DPP9: variants seen among roughly 807,000 people sequenced by gnomAD.
The protein encoded by DPP9 is dipeptidyl peptidase IV-related protein-2.
In DPP9, 50 loss-of-function variants were observed where a neutral mutation model predicts 110.7. That is an observed-to-expected ratio of 0.45 (90% CI 0.36 to 0.57). The LOEUF (loss-of-function observed/expected upper bound fraction) is 0.57. DPP9 is among the 20% of genes least tolerant of loss of function. DPP9 has a pLI of 0.00. For missense variants in DPP9, 1,022 were observed against 1,217.9 expected, an observed-to-expected ratio of 0.84 and a Z score of 2.39; for synonymous variants, 561 against 514.4, an observed-to-expected ratio of 1.09 and a Z score of -1.23.
At chr19:4,714,059 C>T in intron 4 of DPP9, 22 bp downstream of exon 4, 1 of 1,594,530 alleles carries the variant, frequency 6.3e-7, no homozygotes, top group African/African-American at 1.3e-5. Context: ...CCCGCCCAAG[C>T]AGCCTGCAGG....
At chr19:4,713,467 G>A (rs1177443760) in intron 4 of DPP9, among the ~76,000 whole-genome samples, 2 of 152,254 alleles carry the variant, frequency 1.3e-5, no homozygotes, top group East Asian at 3.8e-4. Flanking sequence ...GCTGCAGGAG[G>A]AGCTGCGTGC....
In DPP9 at chr19:4,705,787, T is replaced by G. The variant is rs887428548; in HGVS notation, c.426+71A>C. ...GGGCAGAGAGGTGACCGAAGGCATG[T>G]ATGGCCTGTGGGGCTGGCCTTTGCC... On this transcript the variant is annotated intron_variant, in intron 5 of 21. Coordinates refer to ENST00000262960, the MANE Select transcript of DPP9 (RefSeq NM_139159.5). The G allele has an allele frequency of 2.1e-6, 3 of 1,457,660 alleles. No homozygotes were observed. In the African/African-American group the frequency reaches 4.2e-5, roughly 20 times the overall value. 90.3% of individuals were successfully genotyped at this position (1,457,660 alleles called of 1,614,324 possible).
Position 4,702,693 on chromosome 19 carries a change from G to T in DPP9, c.793C>A (p.Pro265Thr), listed in dbSNP as rs1322007791. 6.3e-6 allele frequency: 10 copies of T among 1,596,932 alleles called. No individual in the cohort carries two copies. The highest frequency in any genetic ancestry group is 8.5e-6 in the Non-Finnish European group (10 of 1,172,282). Residue 265 changes from proline (P) to threonine (T), a missense_variant, in exon 8 of 22, where the codon CCC (proline) becomes ACC (threonine). Physicochemically the swap from Pro to Thr is conservative, Grantham distance 38 (BLOSUM62 -1). Around this residue, in one of 3 missense-constraint regions of DPP9, gnomAD observed 810 missense variants for 920.6 expected, o/e 0.88. Transcript: ENST00000262960. ...HQGLSNVLDD[P>T]KSAGVATFVI... ...AAGGTGGCCACACCCGCAGACTTGG[G>T]GTCATCCAGGACATTGGATAAACCT...
intron 3 of DPP9, among the ~76,000 whole-genome samples, chr19:4,717,083 C>T (rs188912876): frequency 6.6e-6 from 1 of 152,246 alleles, no homozygotes; most frequent in African/African-American, 2.4e-5. Context: ...CCAACTCGAC[C>T]CCAAAGAAAT....
intron 20 of DPP9, 48 bp from the exon 21 acceptor site, chr19:4,679,994 G>A (rs2089585118): frequency 2.1e-6 from 3 of 1,397,006 alleles, no homozygotes; most frequent in African/African-American, 2.8e-5. Context: ...TGTCCGTGGG[G>A]TAGGAGGGGA....
Position 4,702,600 on chromosome 19 carries a change from T to C in DPP9, c.883+3A>G, listed in dbSNP as rs2092331677. The C allele has an allele frequency of 1.9e-6, 3 of 1,587,936 alleles. No individual in the cohort carries two copies. Among genetic ancestry groups the C allele is most frequent in the African/African-American group, 2.7e-5 (2 of 73,906 alleles). On this transcript the variant is annotated splice_donor_region_variant and intron_variant, in intron 8 of 21. Coordinates refer to ENST00000262960, the MANE Select transcript of DPP9 (RefSeq NM_139159.5). ...AGCATGTTGAAAAATGGAAGGGACC[T>C]ACCTTCCCAGGAGGCTGTGGGGCAC...
Position 4,695,566 on chromosome 19 carries a change from A to C in DPP9, c.1176-11T>G. ...AACATGGCCCAGGCGCTAAGGGGGA[A>C]GATGCGGGGGAAGATGAGAGGGAAG... On this transcript the variant is annotated splice_polypyrimidine_tract_variant and intron_variant, in intron 11 of 21. Transcript: ENST00000262960. This position sits in a 1 kb window ranked among gnomAD's most constrained non-coding sequence, Gnocchi z 4.7. 2 of 1,461,202 alleles carry C rather than the reference A, an allele frequency of 1.4e-6. No individual in the cohort carries two copies. The highest frequency in any genetic ancestry group is 9.0e-7 in the Non-Finnish European group (1 of 1,108,018). 90.5% of individuals were successfully genotyped at this position (1,461,202 alleles called of 1,614,324 possible).
In DPP9 at chr19:4,710,423, G is replaced by A. The variant is rs562024593; in HGVS notation, c.313+3658C>T. On this transcript the variant is annotated intron_variant, in intron 4 of 21. Transcript: ENST00000262960. The surrounding 1 kb of genome is among the most constrained non-coding windows in gnomAD (Gnocchi z 5.6). The stretch of plus-strand genomic sequence containing the variant: ...ATCCGCGTGGGGCGGGAGCGGGGTC[G>A]GGAGCGTTTCCCAATGCTGCAGTCT... Among the ~76,000 whole-genome samples the A allele has an allele frequency of 1.8e-3, 269 of 152,326 alleles. 2 individuals are homozygous for A. Among genetic ancestry groups the A allele is most frequent in the African/African-American group, 5.9e-3 (244 of 41,570 alleles).
intron 4 of DPP9, among the ~76,000 whole-genome samples, chr19:4,708,911 C>T (rs2092707205): frequency 6.6e-6 from 1 of 152,168 alleles, no homozygotes; most frequent in African/African-American, 2.4e-5. Flanking sequence ...CACATGTGCC[C>T]TTGAACCTAA....
intron 20 of DPP9, among the ~76,000 whole-genome samples, chr19:4,680,488 G>A (rs1034584812): frequency 6.6e-6 from 1 of 151,876 alleles, no homozygotes; most frequent in Middle Eastern, 3.4e-3. Flanking sequence ...GGCCAAGCTG[G>A]GTGGATTGAG....
chr19:4,683,714 G>T, intron 18 of DPP9, 85 bp from the exon 19 acceptor site: 1 of 1,611,798 alleles, frequency 6.2e-7, no homozygotes. Flanking sequence ...CTTTCAGGGC[G>T]TCTCTCCCTC....
chr19:4,694,392 G>A lies in DPP9; in HGVS notation c.1516+269C>T. Reference sequence around the variant, plus strand: ...GGTGGTGGGCCGGATTTGACCTGTGGGCCGTAGGTGGCCAACCCCTGGTTG... The same window carrying A: ...GGTGGTGGGCCGGATTTGACCTGTGAGCCGTAGGTGGCCAACCCCTGGTTG... On this transcript the variant is annotated intron_variant, in intron 13 of 21. Coordinates refer to ENST00000262960, the MANE Select transcript of DPP9 (RefSeq NM_139159.5). The surrounding 1 kb of genome is among the most constrained non-coding windows in gnomAD (Gnocchi z 4.0). 1 of 531,170 alleles carries A rather than the reference G, an allele frequency of 1.9e-6. No homozygotes were observed. The highest frequency in any genetic ancestry group is 3.3e-6 in the Non-Finnish European group (1 of 300,646). 32.9% of individuals were successfully genotyped at this position (531,170 alleles called of 1,614,324 possible).
intron 10 of DPP9, among the ~76,000 whole-genome samples, chr19:4,699,701 A>T (rs1283986202): frequency 6.6e-6 from 1 of 151,682 alleles, no homozygotes; most frequent in Non-Finnish European, 1.5e-5. Flanking sequence ...AGATCTGAGG[A>T]GGTCGGGGGG....
chr19:4,691,528 T>G (rs1721854184), intron 13 of DPP9, among the ~76,000 whole-genome samples: 1 of 151,220 alleles, frequency 6.6e-6, no homozygotes. Context: ...ATCTGGATTT[T>G]CATTGGAATT....
chr19:4,706,924 G>A (rs1016119140), intron 4 of DPP9, among the ~76,000 whole-genome samples: 1 of 152,162 alleles, frequency 6.6e-6, no homozygotes, highest in Non-Finnish European at 1.5e-5. Context: ...TGACCACTGC[G>A]AGGCGCTGAG....
chr19:4,700,232 G>T lies in DPP9; in HGVS notation c.1058C>A (p.Thr353Asn). ...KIALKLAEFQ[T>N]DSQGKIVSTQ... ...CCCCCTTACCTTGCCCTGGCTGTCA[G>T]TCTGGAACTCAGCCAGTTTCAAGGC... Residue 353 changes from threonine to asparagine, a missense_variant, in exon 10 of 22, where the codon ACT becomes AAT. Physicochemically the swap from Thr to Asn is moderately conservative, Grantham distance 65. This residue lies in a region of DPP9 where 810 missense variants were observed against 920.6 expected (regional missense o/e 0.88). Transcript: ENST00000262960. The surrounding 1 kb of genome is among the most constrained non-coding windows in gnomAD (Gnocchi z 4.3). 1 of 1,598,088 alleles carries T rather than the reference G, an allele frequency of 6.3e-7. No individual in the cohort carries two copies.
intron 2 of DPP9, chr19:4,722,225 C>A: frequency 2.2e-6 from 1 of 451,592 alleles, no homozygotes; most frequent in South Asian, 3.2e-5. Context: ...GATCCAGGCA[C>A]CCCTCCACCA....
At chr19:4,706,983 G>A (rs117006203) in intron 4 of DPP9, among the ~76,000 whole-genome samples, 158 of 152,268 alleles carry the variant, frequency 1.0e-3, no homozygotes, top group East Asian at 9.9e-3. Flanking sequence ...CCCCACAGTC[G>A]TGACAACCAC....
chr19:4,681,912 G>A (rs1233625522), intron 20 of DPP9, among the ~76,000 whole-genome samples: 3 of 142,044 alleles, frequency 2.1e-5, no homozygotes, highest in Non-Finnish European at 4.5e-5. Context: ...AGTGGCGCAC[G>A]ATCTCGGCTC....
Sources: gnomAD v4.1 joint callset for allele counts (sites outside exome capture counted in the v4.1 genomes callset) on GRCh38, gnomAD v4.1.1 for gene constraint, gnomAD v4.1.1 regional missense constraint, Gnocchi (gnomAD v3.1) non-coding constraint, MANE v1.5 for transcripts, NCBI Gene and HGNC (gene_info 2026-07-23, HGNC 2026-07-21) for gene names.